The following GLB1 variants were observed in gnomAD, a reference collection of about 807,000 sequenced individuals.
The protein encoded by GLB1 is beta-galactosidase.
In GLB1, 56 loss-of-function variants were observed where a neutral mutation model predicts 74.0. The observed-to-expected ratio is 0.76, with a 90% CI of 0.61 to 0.94. GLB1 has a LOEUF of 0.94. Ranked by LOEUF, GLB1 falls within the 40% of genes least tolerant of loss-of-function variation. The pLI is 0.00. For synonymous variants in GLB1, 323 were observed against 323.6 expected (o/e 1.00, Z 0.02); for missense variants, 787 against 845.5 (o/e 0.93, Z 0.86).
At position 33,016,359 on chromosome 3, in the gene GLB1, A is replaced by G. The variant is rs1697235928; in HGVS notation, c.1479+350T>C. On this transcript the variant is annotated intron_variant, in intron 14 of 15. Transcript: ENST00000307363. ...GAAAACAGCTCTTCAAAATAGCTCAACTACTTCTTTTTTTTGAGACAAGGT... is the reference window on the plus strand; with the variant it reads ...GAAAACAGCTCTTCAAAATAGCTCAGCTACTTCTTTTTTTTGAGACAAGGT... Among the ~76,000 whole-genome samples the G allele has an allele frequency of 7.2e-5, 11 of 152,290 alleles. 1 individual carries two copies. The South Asian group carries it at 2.3e-3, about 32-fold the overall frequency.
chr3:33,063,093 C>T (rs1183794473), intron 5 of GLB1, among the ~76,000 whole-genome samples: 3 of 151,782 alleles, frequency 2.0e-5, no homozygotes, highest in South Asian at 2.1e-4. Flanking sequence ...AGAAGGAACA[C>T]GTATAGGAAC....
At chr3:33,074,208 A>G (rs1458128336) in intron 1 of GLB1, among the ~76,000 whole-genome samples, 2 of 149,690 alleles carry the variant, frequency 1.3e-5, no homozygotes, top group African/African-American at 4.9e-5. Context: ...TACTCGGGAG[A>G]TTGGGGCAGG....
intron 10 of GLB1, chr3:33,034,513 C>T (rs1698188067): frequency 2.7e-6 from 2 of 733,794 alleles, no homozygotes; most frequent in African/African-American, 1.7e-5. Context: ...CCCCCTCCAT[C>T]AGCCTGCCCA....
chr3:33,087,603 A>G (rs1224959827), intron 1 of GLB1, among the ~76,000 whole-genome samples: 473 of 148,988 alleles, frequency 3.2e-3, no homozygotes, highest in South Asian at 6.9e-3. Context: ...ACACACACAC[A>G]CACACACACA....
chr3:32,968,493 A>G, the GLB1 span, among the ~76,000 whole-genome samples: 1 of 152,230 alleles, frequency 6.6e-6, no homozygotes, highest in Non-Finnish European at 1.5e-5. Context: ...TTAAGCTTTT[A>G]TATAAGCCAA....
rs1198491385 is a variant in GLB1, at chr3:33,093,413, A to T, written c.75+3598T>A. 6.2e-7 allele frequency: 1 copy of T among 1,614,144 alleles called. No homozygotes were observed. The stretch of plus-strand genomic sequence containing the variant: ...CGAGATGTGAATGAAGCTGGCCCAG[A>T]GGAGCGACAGCCGTCCGCAGGACCG... On this transcript the variant is annotated intron_variant, in intron 1 of 15. Transcript: ENST00000307363. This position sits in a 1 kb window ranked among gnomAD's most constrained non-coding sequence, Gnocchi z 6.0.
chr3:33,054,217 T>C (rs1371707323), intron 6 of GLB1, among the ~76,000 whole-genome samples: 1 of 152,116 alleles, frequency 6.6e-6, no homozygotes, highest in Non-Finnish European at 1.5e-5. Flanking sequence ...AAATTTCTTT[T>C]GTTTATAAAT....
chr3:32,995,946 T>A (rs912470082), downstream of GLB1, among the ~76,000 whole-genome samples: 1 of 151,796 alleles, frequency 6.6e-6, no homozygotes, highest in East Asian at 1.9e-4. Context: ...CAGATATAAG[T>A]ATATGAACAT....
downstream of GLB1, among the ~76,000 whole-genome samples, chr3:32,993,202 C>T (rs979101002): frequency 4.6e-5 from 7 of 152,152 alleles, no homozygotes; most frequent in African/African-American, 7.2e-5. Flanking sequence ...AACCCCACCT[C>T]GGATTAGCAT....
intron 1 of GLB1, among the ~76,000 whole-genome samples, chr3:33,080,900 T>C (rs1025196287): frequency 6.6e-6 from 1 of 152,204 alleles, no homozygotes; most frequent in African/African-American, 2.4e-5. Context: ...GTCTCATGAA[T>C]GTCAAATAGC....
the GLB1 span, among the ~76,000 whole-genome samples, chr3:32,965,572 G>C: frequency 6.6e-6 from 1 of 150,762 alleles, no homozygotes; most frequent in African/African-American, 2.4e-5. Flanking sequence ...TGATTTAATA[G>C]AAAAGAAAAA....
chr3:33,059,252 C>CACAT (rs916335106), intron 5 of GLB1, among the ~76,000 whole-genome samples: 1 of 55,930 alleles, frequency 1.8e-5, no homozygotes, highest in African/African-American at 6.3e-5. Flanking sequence ...CATACACACA[C>CACAT]ACACACACAC....
intron 15 of GLB1, among the ~76,000 whole-genome samples, chr3:33,013,068 T>C (rs1367986802): frequency 6.6e-6 from 1 of 152,224 alleles, no homozygotes; most frequent in African/African-American, 2.4e-5. Context: ...ACGTGGCCTA[T>C]AAGGCCCGTC....
At chr3:33,053,421 C>T in intron 7 of GLB1, 70 bp downstream of exon 7, 3 of 1,611,142 alleles carry the variant, frequency 1.9e-6, no homozygotes, top group Non-Finnish European at 8.5e-7. Flanking sequence ...GGGCCTACTG[C>T]CCAGTTTCAG....
At chr3:33,078,676 G>A (rs1700216026) in intron 1 of GLB1, among the ~76,000 whole-genome samples, 1 of 152,132 alleles carries the variant, frequency 6.6e-6, no homozygotes, top group Non-Finnish European at 1.5e-5. Context: ...GAACTTCAGA[G>A]GAATAATGGC....
At chr3:33,045,099 G>A (rs1698686576) in intron 10 of GLB1, among the ~76,000 whole-genome samples, 2 of 152,064 alleles carry the variant, frequency 1.3e-5, no homozygotes, top group South Asian at 2.1e-4. Context: ...AATAGTTAAC[G>A]GCTACCACTT....
In GLB1 at chr3:33,068,263, T is replaced by C. The variant is rs776213501; in HGVS notation, c.424A>G (p.Lys142Glu). Residue 142 changes from lysine (K) to glutamate (E), a missense_variant, in exon 4 of 16, where the codon AAA becomes GAA. Physicochemically the swap from Lys to Glu is moderately conservative, Grantham distance 56. Transcript: ENST00000307363. ...MGGLPAWLLEKESILLRSSDP... is the reference protein window; with the variant it reads ...MGGLPAWLLEEESILLRSSDP... ...GAGGAGCGGAGAAGAATAGACTCTT[T>C]CTCTAGCAGCCAAGCAGGTAATCCT... is the stretch of plus-strand genomic sequence containing the variant. 1.2e-6 allele frequency: 2 copies of C among 1,614,010 alleles called. No homozygotes were observed. Among genetic ancestry groups the C allele is most frequent in the Non-Finnish European group, 1.7e-6 (2 of 1,179,940 alleles).
At chr3:33,092,779 C>A (rs974648259) in intron 1 of GLB1, 1 of 1,530,134 alleles carries the variant, frequency 6.5e-7, no homozygotes. Context: ...CACTCTGAAG[C>A]AGGATGGAGG....
At position 33,024,240 on chromosome 3, in the gene GLB1, T is replaced by G; in HGVS notation, c.1143+11A>C. On this transcript the variant is annotated intron_variant, in intron 11 of 15. Transcript: ENST00000307363. ...CTCACTTTCAAAGTTTCTGTTATTT[T>G]TTTTTCTTACCTTTTCCAAAGTGAC... The G allele has an allele frequency of 6.2e-7, 1 of 1,607,810 alleles. No homozygotes were observed. Among genetic ancestry groups the G allele is most frequent in the Non-Finnish European group, 8.5e-7 (1 of 1,177,776 alleles).
Sources: allele counts gnomAD v4.1 joint callset (sites outside exome capture counted in the v4.1 genomes callset), GRCh38; gene constraint gnomAD v4.1.1; non-coding constraint Gnocchi (gnomAD v3.1); transcripts MANE v1.5; gene names NCBI Gene and HGNC (gene_info 2026-07-23, HGNC 2026-07-21).